ECHDC3: variants seen among roughly 807,000 people sequenced by gnomAD.
The protein encoded by ECHDC3 is enoyl-CoA hydratase domain-containing protein 3, mitochondrial.
A neutral mutation model predicts 17.9 loss-of-function variants in ECHDC3; 20 were observed. That is an observed-to-expected ratio of 1.12 (90% CI 0.79 to 1.63). The LOEUF is 1.63. Among genes scored for constraint, ECHDC3 ranks in the 40% most tolerant of loss-of-function variants. The probability of loss-of-function intolerance (pLI) is 0.00; values close to 1 mark genes in which losing one functional copy is unlikely to be tolerated. For missense variants in ECHDC3, 407 were observed against 357.7 expected (o/e 1.14, Z -1.11); for synonymous variants, 177 against 149.7 (o/e 1.18, Z -1.33).
At chr10:11,762,270 C>T (rs1421882263) in intron 4 of ECHDC3, among the ~76,000 whole-genome samples, 5 of 152,138 alleles carry the variant, frequency 3.3e-5, no homozygotes, top group Non-Finnish European at 2.9e-5. Flanking sequence ...GGATGCAGGA[C>T]CAGAGGCCTG....
At position 11,742,589 on chromosome 10, in the gene ECHDC3, G is replaced by A. The variant is rs1274900779; in HGVS notation, c.13G>A (p.Ala5Thr). 7.8e-7 allele frequency: 1 copy of A among 1,288,330 alleles called. No individual in the cohort carries two copies. The highest frequency in any genetic ancestry group is 2.5e-5 in the South Asian group (1 of 40,468). 79.8% of individuals were successfully genotyped at this position (1,288,330 alleles called of 1,614,324 possible). MAAV[A>T]VLRAFGASGP... ...CATCCCGAATGCTATGGCCGCCGTCGCCGTCTTGCGGGCCTTCGGGGCAAG... is the reference window on the plus strand; with the variant it reads ...CATCCCGAATGCTATGGCCGCCGTCACCGTCTTGCGGGCCTTCGGGGCAAG... Residue 5 changes from alanine (A) to threonine (T), a missense_variant, in exon 1 of 5, where the codon GCC becomes ACC. Coordinates refer to ENST00000379215, the MANE Select transcript of ECHDC3 (RefSeq NM_024693.5).
intron 1 of ECHDC3, among the ~76,000 whole-genome samples, chr10:11,745,477 A>T (rs1376545196): frequency 6.6e-6 from 1 of 152,246 alleles, no homozygotes; most frequent in Non-Finnish European, 1.5e-5. Flanking sequence ...CAGTGCAAGT[A>T]ATTTTTGTAC....
Position 11,763,497 on chromosome 10 carries a change from G to T in ECHDC3, c.865G>T (p.Ala289Ser), listed in dbSNP as rs1222857653. 1 of 1,315,552 alleles carries T rather than the reference G, an allele frequency of 7.6e-7. No individual in the cohort carries two copies. Among genetic ancestry groups the T allele is most frequent in the South Asian group, 1.2e-5 (1 of 84,018 alleles). 81.5% of individuals were successfully genotyped at this position (1,315,552 alleles called of 1,614,324 possible). A position where few individuals can be genotyped will look rare whatever the true frequency, so the allele number is the denominator to read the frequency against. Reference sequence around the variant, plus strand: ...GCGGGACGGGCAGGAGGGCATCACGGCCTTCCTCCAGAAGAGAAAACCTGT... The same window carrying T: ...GCGGGACGGGCAGGAGGGCATCACGTCCTTCCTCCAGAAGAGAAAACCTGT... ...ALRDGQEGITAFLQKRKPVWS... is the reference protein window; with the variant it reads ...ALRDGQEGITSFLQKRKPVWS... Residue 289 changes from alanine to serine, a missense_variant, in exon 5 of 5, where the codon GCC becomes TCC. Physicochemically the swap from Ala to Ser is moderately conservative, Grantham distance 99. Coordinates refer to ENST00000379215, the MANE Select transcript of ECHDC3 (RefSeq NM_024693.5). This position sits in a 1 kb window ranked among gnomAD's most constrained non-coding sequence, Gnocchi z 4.9.
At chr10:11,755,198 T>A (rs1307616634) in intron 3 of ECHDC3, 3 of 473,904 alleles carry the variant, frequency 6.3e-6, no homozygotes, top group Non-Finnish European at 1.1e-5. Context: ...TGGTAGCCCA[T>A]GCCTGTAGTC....
intron 1 of ECHDC3, 192 bp downstream of exon 1, chr10:11,742,938 G>A (rs1189892314): frequency 4.6e-5 from 26 of 565,796 alleles, no homozygotes; most frequent in East Asian, 7.9e-5. Context: ...GGGACTGCCC[G>A]GGGCTCCAAA....
At chr10:11,757,668 C>T (rs1050504254) in intron 4 of ECHDC3, among the ~76,000 whole-genome samples, 3 of 152,142 alleles carry the variant, frequency 2.0e-5, no homozygotes, top group Admixed American at 6.5e-5. Flanking sequence ...AGCCCTTGCA[C>T]GCTGGGCTTA....
intron 4 of ECHDC3, among the ~76,000 whole-genome samples, chr10:11,761,014 C>T (rs1044850226): frequency 6.6e-6 from 1 of 152,338 alleles, no homozygotes; most frequent in Non-Finnish European, 1.5e-5. Context: ...GTGATTTAGT[C>T]CATGCCTTTA....
intron 1 of ECHDC3, among the ~76,000 whole-genome samples, chr10:11,744,810 C>A (rs902897): frequency 2.0e-5 from 3 of 152,124 alleles, no homozygotes; most frequent in African/African-American, 7.3e-5. Context: ...GAGGAGAGGG[C>A]CAGGTTTGAG....
At chr10:11,746,272 GA>G (rs1242920786) in intron 1 of ECHDC3, among the ~76,000 whole-genome samples, 2 of 146,546 alleles carry the variant, frequency 1.4e-5, no homozygotes, top group Non-Finnish European at 3.0e-5. Context: ...AGGTTGCAGT[GA>G]GCTGAGATCA....
intron 3 of ECHDC3, among the ~76,000 whole-genome samples, chr10:11,751,369 C>T (rs1245568510): frequency 2.0e-5 from 3 of 152,122 alleles, no homozygotes; most frequent in African/African-American, 4.8e-5. Flanking sequence ...AGGGCCTACC[C>T]CAAAGTAGTA....
chr10:11,744,699 T>G (rs1832742271), intron 1 of ECHDC3, among the ~76,000 whole-genome samples: 1 of 152,186 alleles, frequency 6.6e-6, no homozygotes, highest in Admixed American at 6.5e-5. Flanking sequence ...GGAGGTATTA[T>G]TAACAGGCTT....
In ECHDC3 at chr10:11,747,378, G is replaced by A; in HGVS notation, c.200G>A (p.Arg67Lys). 4 of 1,614,000 alleles carry A rather than the reference G, an allele frequency of 2.5e-6. No homozygotes were observed. Among genetic ancestry groups the A allele is most frequent in the Non-Finnish European group, 1.7e-6 (2 of 1,179,928 alleles). Residue 67 changes from arginine to lysine, a missense_variant, in exon 2 of 5, where the codon AGG (arginine) becomes AAG (lysine). Arg to Lys is a conservative substitution (Grantham distance 26). Transcript: ENST00000379215. ...RNIVLSNPKK[R>K]NALSLAMLKS... ...ATCGTCTTGAGCAATCCCAAGAAGA[G>A]GAACGCGTTGTCACTTGCAATGCTG...
At chr10:11,761,082 GCA>G (rs1466662982) in intron 4 of ECHDC3, among the ~76,000 whole-genome samples, 3 of 82,680 alleles carry the variant, frequency 3.6e-5, no homozygotes, top group East Asian at 7.7e-4. Flanking sequence ...CCAGCCCAGT[GCA>G]TGTGGGCTCC....
chr10:11,747,591 A>T, intron 2 of ECHDC3, 121 bp downstream of exon 2: 2 of 1,252,596 alleles, frequency 1.6e-6, no homozygotes, highest in Non-Finnish European at 1.1e-6. Flanking sequence ...CTTTACAAGA[A>T]CATTAATTAT....
intron 4 of ECHDC3, among the ~76,000 whole-genome samples, chr10:11,761,167 G>T (rs1478361097): frequency 6.6e-6 from 1 of 152,228 alleles, no homozygotes. Context: ...AATTCTGGGG[G>T]ATCCAATCTA....
In ECHDC3 at chr10:11,763,251, GA is replaced by G. The variant is rs1832974094; in HGVS notation, c.620del (p.Glu207GlyfsTer37). The G allele has an allele frequency of 1.3e-6, 1 of 779,524 alleles. No individual in the cohort carries two copies. Among genetic ancestry groups the G allele is most frequent in the Non-Finnish European group, 2.4e-6 (1 of 417,860 alleles). The allele number at this position is 779,524 out of a possible 1,614,324, so 48.3% of individuals were successfully genotyped here. A position where few individuals can be genotyped will look rare whatever the true frequency, so the allele number is the denominator to read the frequency against. On this transcript the variant is annotated frameshift_variant, in exon 5 of 5. Transcript: ENST00000379215. LOFTEE classifies it high-confidence loss of function. The surrounding 1 kb of genome is among the most constrained non-coding windows in gnomAD (Gnocchi z 4.9). ...GGCCTTGGAGATGCTCTTTACTGGT[GA>G]GCCCATTTCTGCCCAGGAGGCCCTG... ...KVALEMLFTGEPISAQEALLH... is the reference protein window; with the variant it reads ...KVALEMLFTGXPISAQEALLH...
intron 4 of ECHDC3, among the ~76,000 whole-genome samples, chr10:11,762,985 C>A (rs568716976): frequency 6.6e-6 from 1 of 152,218 alleles, no homozygotes; most frequent in Admixed American, 6.5e-5. Context: ...GGCTCAGTGA[C>A]CAGATCTTTG....
At chr10:11,755,807 C>T (rs1425249462) in intron 4 of ECHDC3, 199 bp downstream of exon 4, 2 of 530,156 alleles carry the variant, frequency 3.8e-6, no homozygotes, top group Non-Finnish European at 6.6e-6. Context: ...GCCTGTTCCT[C>T]TGTAGCTTCT....
At chr10:11,756,243 C>T (rs1367151304) in intron 4 of ECHDC3, among the ~76,000 whole-genome samples, 1 of 152,222 alleles carries the variant, frequency 6.6e-6, no homozygotes, top group Non-Finnish European at 1.5e-5. Context: ...CGCCACAAAG[C>T]TTTCTTCCTT....
Sources: allele counts gnomAD v4.1 joint callset (sites outside exome capture counted in the v4.1 genomes callset), GRCh38; gene constraint gnomAD v4.1.1; non-coding constraint Gnocchi (gnomAD v3.1); transcripts MANE v1.5; gene names NCBI Gene and HGNC (gene_info 2026-07-23, HGNC 2026-07-21).